Variants in PCLO observed in about 807,000 individuals in gnomAD.
PCLO encodes protein piccolo.
In PCLO, 82 loss-of-function variants were observed where a neutral mutation model predicts 427.5. The ratio of observed to expected loss-of-function variants is 0.19; its 90% CI spans 0.16 to 0.23. PCLO has a LOEUF of 0.23. Among genes scored for constraint, PCLO ranks in the 10% least tolerant of loss-of-function variants. The pLI is 1.00. For synonymous variants in PCLO, 2,357 were observed against 2,155.4 expected, an observed-to-expected ratio of 1.09 and a Z score of -2.59; for missense variants, 6,239 against 6,115.9, an observed-to-expected ratio of 1.02 and a Z score of -0.67.
In PCLO at chr7:82,847,165, A is replaced by C; in HGVS notation, c.13737T>G (p.Ser4579Arg). The C allele has an allele frequency of 6.3e-7, 1 of 1,599,848 alleles. No individual in the cohort carries two copies. Residue 4579 changes from serine to arginine, a missense_variant, in exon 11 of 25, where the codon AGT (serine) becomes AGG (arginine). This residue lies in a region of PCLO where 877 missense variants were observed against 925.5 expected (regional missense o/e 0.95). Transcript: ENST00000333891. ...GTCTTACACATATTTCTGCTTCCCC[A>C]CTTTGCTGACTAATGATACTCTGAA... ...EEVQSIISQQ[S>R]GEAEICVRLD...
intron 3 of PCLO, among the ~76,000 whole-genome samples, chr7:83,016,253 T>C (rs747906814): frequency 6.6e-6 from 1 of 151,514 alleles, no homozygotes; most frequent in Non-Finnish European, 1.5e-5. Flanking sequence ...ACAGGTTGAG[T>C]AAAATGGGGG....
At chr7:83,079,712 T>C (rs949924483) in intron 3 of PCLO, among the ~76,000 whole-genome samples, 3 of 152,116 alleles carry the variant, frequency 2.0e-5, no homozygotes, top group African/African-American at 7.2e-5. Context: ...GAGGATTTTT[T>C]TATTTCAATA....
At chr7:82,794,056 C>T (rs1791163068) in intron 22 of PCLO, among the ~76,000 whole-genome samples, 1 of 152,110 alleles carries the variant, frequency 6.6e-6, no homozygotes, top group African/African-American at 2.4e-5. Context: ...TTATCCTTTT[C>T]TTTTTAAGCC....
intron 10 of PCLO, among the ~76,000 whole-genome samples, chr7:82,867,574 C>T (rs184798832): frequency 7.2e-5 from 11 of 152,184 alleles, no homozygotes; most frequent in Non-Finnish European, 1.0e-4. Flanking sequence ...CCACTCCAAG[C>T]TTACGAAAAA....
At position 83,082,817 on chromosome 7, in the gene PCLO, A is replaced by G. The variant is rs1790136176; in HGVS notation, c.3300+51433T>C. Among the ~76,000 whole-genome samples, 4 of 151,792 alleles carry G rather than the reference A, an allele frequency of 2.6e-5. No homozygotes were observed. The South Asian group carries it at 8.3e-4, about 31-fold the overall frequency. On this transcript the variant is annotated intron_variant, in intron 3 of 24. Transcript: ENST00000333891. ...TAAAAATAAAAAATATCTGAAAAAG[A>G]AGGAAAAATAGGTATTAAAAATTTA...
At position 82,956,376 on chromosome 7, in the gene PCLO, T is replaced by C; in HGVS notation, c.4577A>G (p.Gln1526Arg). Residue 1526 changes from glutamine to arginine, a missense_variant, in exon 5 of 25, where the codon CAA (glutamine) becomes CGA (arginine). Physicochemically the swap from Gln to Arg is conservative, Grantham distance 43. Transcript: ENST00000333891. Reference protein sequence around the residue: ...SSESENSPVPQRKRRTSVGSS... With the variant: ...SSESENSPVPRRKRRTSVGSS... ...GCCAACACTAGTTCTTCGTTTTCTT[T>C]GTGGAACAGGTGAGTTTTCACTTTC... 1 of 1,613,506 alleles carries C rather than the reference T, an allele frequency of 6.2e-7. No individual in the cohort carries two copies. Among genetic ancestry groups the C allele is most frequent in the Non-Finnish European group, 8.5e-7 (1 of 1,179,852 alleles).
intron 3 of PCLO, among the ~76,000 whole-genome samples, chr7:83,009,075 A>G (rs1788016872): frequency 6.6e-6 from 1 of 151,746 alleles, no homozygotes; most frequent in Admixed American, 6.6e-5. Context: ...ATTTTAACTT[A>G]TTTTAAGATA....
At chr7:82,929,394 T>C (rs1794789822) in intron 6 of PCLO, among the ~76,000 whole-genome samples, 1 of 152,118 alleles carries the variant, frequency 6.6e-6, no homozygotes, top group Non-Finnish European at 1.5e-5. Flanking sequence ...TAAGTGGCAG[T>C]GCTGGGACTT....
At position 82,955,360 on chromosome 7, in the gene PCLO, A is replaced by T. The variant is rs550503813; in HGVS notation, c.5593T>A (p.Ser1865Thr). The T allele has an allele frequency of 6.2e-7, 1 of 1,613,566 alleles. No individual in the cohort carries two copies. Among genetic ancestry groups the T allele is most frequent in the East Asian group, 2.2e-5 (1 of 44,844 alleles). The change falls in exon 5 of 25, where the codon TCA (serine) becomes ACA (threonine). Residue 1865 changes from serine (S) to threonine (T), a missense_variant. Ser to Thr is a moderately conservative substitution (Grantham distance 58). Transcript: ENST00000333891. ...CTTATTTCAAAACCTTCTGGGTCTG[A>T]CTCTATGCTAGGTGAATATTCAGAA... ...SCSEYSPSIESDPEGFEISPE... is the reference protein window; with the variant it reads ...SCSEYSPSIETDPEGFEISPE...
intron 3 of PCLO, among the ~76,000 whole-genome samples, chr7:83,130,197 T>C: frequency 6.6e-6 from 1 of 152,138 alleles, no homozygotes; most frequent in East Asian, 1.9e-4. Flanking sequence ...TATTATTATT[T>C]GAGACGAAGT....
intron 3 of PCLO, among the ~76,000 whole-genome samples, chr7:83,024,474 G>A (rs1788432440): frequency 6.6e-6 from 1 of 152,156 alleles, no homozygotes; most frequent in Admixed American, 6.5e-5. Flanking sequence ...GAGTCTCGCT[G>A]ATTGCTAGCA....
chr7:82,889,738 T>C (rs1235319387), intron 9 of PCLO, among the ~76,000 whole-genome samples: 1 of 152,088 alleles, frequency 6.6e-6, no homozygotes, highest in African/African-American at 2.4e-5. Flanking sequence ...TAGAAAGTGG[T>C]TGAAGTAAAT....
intron 3 of PCLO, among the ~76,000 whole-genome samples, chr7:83,104,155 TAA>T (rs879538342): frequency 4.9e-5 from 7 of 143,666 alleles, no homozygotes; most frequent in African/African-American, 7.7e-5. Context: ...GTAAATATTT[TAA>T]GAGAGTGTTT....
At chr7:83,139,434 A>C (rs1030220735) in intron 2 of PCLO, among the ~76,000 whole-genome samples, 4 of 152,210 alleles carry the variant, frequency 2.6e-5, no homozygotes, top group African/African-American at 9.6e-5. Context: ...GGACAACTGT[A>C]AAATTAGAAC....
chr7:83,032,139 T>A (rs181093511), intron 3 of PCLO, among the ~76,000 whole-genome samples: 1 of 152,278 alleles, frequency 6.6e-6, no homozygotes, highest in Non-Finnish European at 1.5e-5. Flanking sequence ...GTCCCTGGTA[T>A]CCCTTTGCCT....
At chr7:83,042,475 T>C (rs963850867) in intron 3 of PCLO, among the ~76,000 whole-genome samples, 3 of 152,198 alleles carry the variant, frequency 2.0e-5, no homozygotes, top group Non-Finnish European at 2.9e-5. Flanking sequence ...GCAAGATTTA[T>C]AGACTTTGGG....
intron 3 of PCLO, among the ~76,000 whole-genome samples, chr7:82,969,865 A>G (rs2115691247): frequency 6.6e-6 from 1 of 152,218 alleles, no homozygotes; most frequent in South Asian, 2.1e-4. Flanking sequence ...CTAGTTAGAT[A>G]TTTTCCAAGA....
chr7:82,890,050 T>A (rs1456263876), intron 9 of PCLO, among the ~76,000 whole-genome samples: 4 of 151,348 alleles, frequency 2.6e-5, no homozygotes, highest in Non-Finnish European at 5.9e-5. Flanking sequence ...TATATTATTA[T>A]ATATACATAC....
At chr7:82,772,739 G>GT (rs375181592) in intron 22 of PCLO, among the ~76,000 whole-genome samples, 64 of 152,064 alleles carry the variant, frequency 4.2e-4, no homozygotes, top group African/African-American at 1.1e-3. Flanking sequence ...CTCCTTCAGT[G>GT]TTTTTTTGGC....
Sources: allele counts gnomAD v4.1 joint callset (sites outside exome capture counted in the v4.1 genomes callset), GRCh38; gene constraint gnomAD v4.1.1; regional missense constraint gnomAD v4.1.1; transcripts MANE v1.5; gene names NCBI Gene and HGNC (gene_info 2026-07-23, HGNC 2026-07-21).